The following TMEM26 variants were observed in gnomAD, a reference collection of about 807,000 sequenced individuals.
TMEM26 encodes the protein transmembrane protein 26.
In TMEM26, 38 loss-of-function variants were observed where a neutral mutation model predicts 28.8. The ratio of observed to expected loss-of-function variants is 1.32; its 90% CI spans 1.02 to 1.73. The LOEUF (loss-of-function observed/expected upper bound fraction) is 1.73. Ranked by LOEUF, TMEM26 falls within the 40% of genes most tolerant of loss-of-function variation. The probability of loss-of-function intolerance (pLI) is 0.00; values close to 1 mark genes in which losing one functional copy is unlikely to be tolerated. For missense variants in TMEM26, 518 were observed against 447.1 expected, an observed-to-expected ratio of 1.16 and a Z score of -1.43; for synonymous variants, 227 against 182.9, an observed-to-expected ratio of 1.24 and a Z score of -1.95.
intron 1 of TMEM26, among the ~76,000 whole-genome samples, chr10:61,448,451 C>G (rs1205086018): frequency 1.3e-5 from 2 of 152,170 alleles, no homozygotes; most frequent in African/African-American, 4.8e-5. Flanking sequence ...ACAATATAAA[C>G]TACAGTTTTT....
chr10:61,411,268 A>G (rs1244196483), intron 5 of TMEM26, among the ~76,000 whole-genome samples: 1 of 152,200 alleles, frequency 6.6e-6, no homozygotes. Context: ...GATAACAATC[A>G]TATCAGTGAG....
chr10:61,447,456 A>T (rs1208954092), intron 1 of TMEM26, among the ~76,000 whole-genome samples: 6 of 152,314 alleles, frequency 3.9e-5, no homozygotes, highest in East Asian at 1.9e-4. Flanking sequence ...ATTTCAGTGA[A>T]TTTTTTACAA....
In TMEM26 at chr10:61,431,334, T is replaced by C. The variant is rs752173675; in HGVS notation, c.271-2A>G. The C allele has an allele frequency of 6.2e-7, 1 of 1,611,558 alleles. No homozygotes were observed. On this transcript the variant is annotated splice_acceptor_variant, in intron 2 of 5. Transcript: ENST00000399298. LOFTEE classifies it high-confidence loss of function. Reference sequence around the variant, plus strand: ...TCCTTCAGCCTGGATACTGCAATACTAAGAATGGGGTCAGGGAAGGCAATT... The same window carrying C: ...TCCTTCAGCCTGGATACTGCAATACCAAGAATGGGGTCAGGGAAGGCAATT...
intron 4 of TMEM26, chr10:61,415,004 C>T: frequency 1.0e-6 from 1 of 985,344 alleles, no homozygotes; most frequent in South Asian, 4.7e-5. Context: ...TTGTTGAAGG[C>T]TGTGCTTTTG....
intron 1 of TMEM26, 98 bp downstream of exon 1, chr10:61,452,793 G>C (rs767699970): frequency 3.2e-5 from 45 of 1,417,060 alleles, no homozygotes; most frequent in Non-Finnish European, 4.3e-5. Context: ...GTCCAAATTC[G>C]AGTAGAATCT....
intron 1 of TMEM26, among the ~76,000 whole-genome samples, chr10:61,452,374 G>A (rs1477999212): frequency 1.3e-5 from 2 of 152,246 alleles, no homozygotes; most frequent in African/African-American, 4.8e-5. Flanking sequence ...GGAGGGAAGG[G>A]AAGCGGATGA....
At position 61,428,981 on chromosome 10, in the gene TMEM26, T is replaced by C; in HGVS notation, c.550A>G (p.Thr184Ala). Residue 184 changes from threonine (T) to alanine (A), a missense_variant, in exon 4 of 6, where the codon ACA becomes GCA. Thr to Ala is a moderately conservative substitution (Grantham distance 58, BLOSUM62 0). Transcript: ENST00000399298. The stretch of plus-strand genomic sequence containing the variant: ...GTGAATTCCAGTATGTCAGCCGCTG[T>C]CCCCACAAACATAAGAAGAAGTTGA... ...LSQLLLMFVG[T>A]AADILEFTSE... is the part of the protein sequence containing the mutation. The C allele has an allele frequency of 6.2e-7, 1 of 1,613,210 alleles. No homozygotes were observed. Among genetic ancestry groups the C allele is most frequent in the Non-Finnish European group, 8.5e-7 (1 of 1,179,446 alleles).
chr10:61,452,929 C>T lies in TMEM26; in HGVS notation c.153G>A (p.Ala51=), dbSNP rs761541357. The change falls in exon 1 of 6, where the codon GCG becomes GCA. Residue 51 remains alanine, a synonymous_variant. Transcript: ENST00000399298. ...TGCCGCGCTTGAACTTGAGGGTGAG[C>T]GCAGTCTCCAGGAAGAGCAAGAGGT... The part of the protein sequence containing the change: ...LLNLLLFLET[A]LTLKFKRGRG... 1 of 1,614,048 alleles carries T rather than the reference C, an allele frequency of 6.2e-7. No homozygotes were observed. The highest frequency in any genetic ancestry group is 1.7e-5 in the Admixed American group (1 of 60,024).
intron 4 of TMEM26, among the ~76,000 whole-genome samples, chr10:61,425,198 G>C (rs72825285): frequency 0.16 from 25,004 of 151,930 alleles, 2,171 homozygotes; most frequent in Middle Eastern, 0.3. Flanking sequence ...ATCAGATTTT[G>C]TGAGACTCAT....
Position 61,409,860 on chromosome 10 carries a change from T to G in TMEM26, c.*462A>C, listed in dbSNP as rs1006054921. On this transcript the variant is annotated 3_prime_UTR_variant, in exon 6 of 6. Coordinates refer to ENST00000399298, the MANE Select transcript of TMEM26 (RefSeq NM_178505.8). ...CACAGTGAGGTAATTTTAAAGGCAC[T>G]TTTCCCTTCATTTGTTCTGCATTCA... 6.2e-6 allele frequency: 1 copy of G among 161,412 alleles called. No homozygotes were observed. The highest frequency in any genetic ancestry group is 1.4e-5 in the Non-Finnish European group (1 of 73,618). 10.0% of individuals were successfully genotyped at this position (161,412 alleles called of 1,614,324 possible). A position where few individuals can be genotyped will look rare whatever the true frequency, so the allele number is the denominator to read the frequency against.
At chr10:61,426,319 A>G (rs1470404743) in intron 4 of TMEM26, among the ~76,000 whole-genome samples, 1 of 152,130 alleles carries the variant, frequency 6.6e-6, no homozygotes, top group Non-Finnish European at 1.5e-5. Flanking sequence ...GAGTGATGGG[A>G]ATGTTCTAAA....
intron 1 of TMEM26, among the ~76,000 whole-genome samples, chr10:61,439,077 G>A (rs1266618778): frequency 1.3e-5 from 2 of 152,128 alleles, no homozygotes; most frequent in East Asian, 1.9e-4. Flanking sequence ...TAAGGAGCGA[G>A]GTTCTGCAAT....
Position 61,453,219 on chromosome 10 carries a change from C to A in TMEM26, c.-138G>T. On this transcript the variant is annotated 5_prime_UTR_variant, in exon 1 of 6. Coordinates refer to ENST00000399298, the MANE Select transcript of TMEM26 (RefSeq NM_178505.8). Reference sequence around the variant, plus strand: ...GCTTGTGGTCCCTTCTCACCCTCAGCGCCCGATGCCGGTAGAACTGGTGCG... The same window carrying A: ...GCTTGTGGTCCCTTCTCACCCTCAGAGCCCGATGCCGGTAGAACTGGTGCG... 1.2e-6 allele frequency: 1 copy of A among 854,410 alleles called. No homozygotes were observed. The highest frequency in any genetic ancestry group is 1.7e-5 in the South Asian group (1 of 57,942). The allele number at this position is 854,410 out of a possible 1,614,324, so 52.9% of individuals were successfully genotyped here.
Position 61,409,743 on chromosome 10 carries a change from G to GA in TMEM26, c.*578dup, listed in dbSNP as rs1199709165. On this transcript the variant is annotated 3_prime_UTR_variant, in exon 6 of 6. Coordinates refer to ENST00000399298, the MANE Select transcript of TMEM26 (RefSeq NM_178505.8). ...CATGGCAGAATACAACATCAGCCCA[G>GA]AAAAAATGATTTTCCTGGGAAGGCC... The GA allele has an allele frequency of 2.0e-5, 3 of 153,124 alleles. No homozygotes were observed. The highest frequency in any genetic ancestry group is 2.1e-4 in the South Asian group (1 of 4,872). 9.5% of individuals were successfully genotyped at this position (153,124 alleles called of 1,614,324 possible).
chr10:61,415,126 A>G (rs1233525512), intron 4 of TMEM26: 2 of 985,216 alleles, frequency 2.0e-6, no homozygotes, highest in East Asian at 1.1e-4. Context: ...GGAAGACACA[A>G]TCAGGATTCC....
intron 4 of TMEM26, among the ~76,000 whole-genome samples, chr10:61,423,163 C>T (rs1337561996): frequency 1.3e-5 from 2 of 151,928 alleles, no homozygotes; most frequent in African/African-American, 4.8e-5. Context: ...AATAGAATAT[C>T]TAAATAGACC....
intron 2 of TMEM26, among the ~76,000 whole-genome samples, chr10:61,434,623 T>C (rs986727500): frequency 1.3e-5 from 2 of 152,190 alleles, no homozygotes; most frequent in African/African-American, 4.8e-5. Context: ...AAATATACAG[T>C]TACAAAAACA....
Position 61,408,505 on chromosome 10 carries a change from G to A in TMEM26, c.*1817C>T, listed in dbSNP as rs1839523810. On this transcript the variant is annotated 3_prime_UTR_variant, in exon 6 of 6. Transcript: ENST00000399298. ...GCCATGAGCAAATCTGCAATAATAA[G>A]CAGCACATACATGTTGTGGAAGAAA... 6.6e-6 allele frequency: 1 copy of A among 152,128 alleles called. No individual in the cohort carries two copies. The highest frequency in any genetic ancestry group is 1.5e-5 in the Non-Finnish European group (1 of 68,032). The allele number at this position is 152,128 out of a possible 1,614,324, so 9.4% of individuals were successfully genotyped here. A position where few individuals can be genotyped will look rare whatever the true frequency, so the allele number is the denominator to read the frequency against.
chr10:61,450,251 A>C (rs1286686138), intron 1 of TMEM26, among the ~76,000 whole-genome samples: 1 of 152,170 alleles, frequency 6.6e-6, no homozygotes, highest in Non-Finnish European at 1.5e-5. Flanking sequence ...AGATGTTGCC[A>C]TAATGTTTAC....
Sources: gnomAD v4.1 joint callset for allele counts (sites outside exome capture counted in the v4.1 genomes callset) on GRCh38, gnomAD v4.1.1 for gene constraint, MANE v1.5 for transcripts, NCBI Gene and HGNC (gene_info 2026-07-23, HGNC 2026-07-21) for gene names.